Variants in USP10 observed in about 807,000 individuals in gnomAD.
USP10 encodes ubiquitin specific peptidase 10, also known as ubiquitin carboxyl-terminal hydrolase 10.
USP10 carries 22 observed loss-of-function variants against 84.5 expected under a neutral mutation model. The ratio of observed to expected loss-of-function variants is 0.26; its 90% confidence interval spans 0.19 to 0.37. The LOEUF (loss-of-function observed/expected upper bound fraction) is 0.37. Among genes scored for constraint, USP10 ranks in the 10% least tolerant of loss-of-function variants. The pLI, the probability that USP10 is intolerant of heterozygous loss-of-function variation, is 1.00. For synonymous variants in USP10, 454 were observed against 387.6 expected (o/e 1.17, Z -2.01); for missense variants, 1,019 against 998.9 (o/e 1.02, Z -0.27).
chr16:84,764,202 G>C lies in USP10; in HGVS notation c.1771G>C (p.Val591Leu). 2 of 1,614,000 alleles carry C rather than the reference G, an allele frequency of 1.2e-6. No individual in the cohort carries two copies. The highest frequency in any genetic ancestry group is 1.7e-5 in the Admixed American group (1 of 60,024). ...EQVGPRNKTS[V>L]TRQADFVQTP... ...AGTGGGCCCCCGGAACAAGACTTCCGTCACCCGCCAGGCGGATTTTGTTCA... is the reference window on the plus strand; with the variant it reads ...AGTGGGCCCCCGGAACAAGACTTCCCTCACCCGCCAGGCGGATTTTGTTCA... Residue 591 changes from valine to leucine, a missense_variant, in exon 10 of 14, where the codon GTC becomes CTC. Physicochemically the swap from Val to Leu is conservative, Grantham distance 32 (BLOSUM62 1). Transcript: ENST00000219473.
intron 1 of USP10, among the ~76,000 whole-genome samples, chr16:84,705,511 G>C (rs886738026): frequency 6.6e-6 from 1 of 150,638 alleles, no homozygotes; most frequent in Non-Finnish European, 1.5e-5. Context: ...GATTATAGGC[G>C]TGAGCCACCA....
chr16:84,740,665 A>G (rs1358569843), intron 3 of USP10, among the ~76,000 whole-genome samples: 2 of 152,372 alleles, frequency 1.3e-5, no homozygotes, highest in South Asian at 2.1e-4. Flanking sequence ...TCATCAGCAC[A>G]TGCTGGAGTT....
At chr16:84,700,632 C>T (rs1904738849) in intron 1 of USP10, among the ~76,000 whole-genome samples, 1 of 152,132 alleles carries the variant, frequency 6.6e-6, no homozygotes. Flanking sequence ...TGCCGATTTT[C>T]TGTTTTTTAG....
intron 1 of USP10, among the ~76,000 whole-genome samples, chr16:84,712,128 C>G (rs765913667): frequency 5.3e-5 from 8 of 152,176 alleles, no homozygotes; most frequent in Non-Finnish European, 8.8e-5. Context: ...CAGTTGATCT[C>G]TTTTCTGTGA....
chr16:84,721,807 C>T (rs1048603406), intron 1 of USP10, among the ~76,000 whole-genome samples: 2 of 152,258 alleles, frequency 1.3e-5, no homozygotes, highest in Non-Finnish European at 2.9e-5. Context: ...AAGCAATTCT[C>T]CTGCCTCAGC....
chr16:84,731,146 A>T (rs1185299209), intron 1 of USP10, among the ~76,000 whole-genome samples: 9 of 151,588 alleles, frequency 5.9e-5, no homozygotes, highest in Non-Finnish European at 1.0e-4. Flanking sequence ...TGCCCGGCTA[A>T]TTTTTTGTAT....
intron 4 of USP10, among the ~76,000 whole-genome samples, chr16:84,752,100 G>C: frequency 6.6e-6 from 1 of 152,134 alleles, no homozygotes; most frequent in Non-Finnish European, 1.5e-5. Context: ...TGAAATTTCA[G>C]TTCAGCCTTT....
chr16:84,739,841 C>G (rs184924742), intron 2 of USP10, among the ~76,000 whole-genome samples: 5 of 152,322 alleles, frequency 3.3e-5, no homozygotes, highest in Admixed American at 1.3e-4. Flanking sequence ...GCGCTTTCCT[C>G]TGCTCTCCGA....
chr16:84,751,230 G>C (rs768250953), intron 4 of USP10, among the ~76,000 whole-genome samples: 13 of 152,188 alleles, frequency 8.5e-5, no homozygotes, highest in African/African-American at 1.4e-4. Context: ...TGTGTAGTTG[G>C]CTATACCATC....
chr16:84,700,243 C>A (rs1378930979), intron 1 of USP10, 132 bp downstream of exon 1: 2 of 755,368 alleles, frequency 2.6e-6, no homozygotes, highest in East Asian at 6.4e-5. Flanking sequence ...GACACGCTGC[C>A]CGGGCCTAGG....
intron 8 of USP10, among the ~76,000 whole-genome samples, chr16:84,760,501 TG>T (rs1259326133): frequency 6.6e-6 from 1 of 152,182 alleles, no homozygotes; most frequent in Non-Finnish European, 1.5e-5. Flanking sequence ...ATGGTCTCCT[TG>T]TTACGGTTAA....
At chr16:84,753,187 C>G (rs1208877678) in intron 4 of USP10, among the ~76,000 whole-genome samples, 3 of 151,994 alleles carry the variant, frequency 2.0e-5, no homozygotes, top group Non-Finnish European at 4.4e-5. Flanking sequence ...CACTGTGTGG[C>G]CCAGGCTGAT....
intron 1 of USP10, among the ~76,000 whole-genome samples, chr16:84,730,232 T>G (rs1909032728): frequency 6.6e-6 from 1 of 152,230 alleles, no homozygotes; most frequent in Non-Finnish European, 1.5e-5. Context: ...ATCTATATTA[T>G]TAACAAACAC....
intron 3 of USP10, among the ~76,000 whole-genome samples, chr16:84,744,386 A>G (rs926016858): frequency 2.6e-5 from 4 of 152,170 alleles, no homozygotes; most frequent in African/African-American, 9.7e-5. Context: ...TTTAATTTCT[A>G]CCTTCTGAAA....
At chr16:84,724,458 A>C (rs138650995) in intron 1 of USP10, among the ~76,000 whole-genome samples, 1 of 152,148 alleles carries the variant, frequency 6.6e-6, no homozygotes, top group African/African-American at 2.4e-5. Flanking sequence ...GGAAGTAGAC[A>C]CTCAATTGCA....
chr16:84,737,337 TG>T (rs1441889249), intron 2 of USP10, among the ~76,000 whole-genome samples: 1 of 152,256 alleles, frequency 6.6e-6, no homozygotes. Flanking sequence ...TTTATGTCTT[TG>T]CTTTGATTTT....
chr16:84,751,193 G>A (rs1015611781), intron 4 of USP10, among the ~76,000 whole-genome samples: 9 of 152,206 alleles, frequency 5.9e-5, no homozygotes, highest in South Asian at 2.1e-4. Flanking sequence ...TAGCTTAGGA[G>A]CAATAGGCTC....
At chr16:84,757,571 A>AT (rs1912733552) in intron 4 of USP10, among the ~76,000 whole-genome samples, 2 of 152,174 alleles carry the variant, frequency 1.3e-5, no homozygotes, top group Non-Finnish European at 1.5e-5. Context: ...CTACTATCAA[A>AT]TGTATGTATG....
intron 8 of USP10, among the ~76,000 whole-genome samples, chr16:84,761,307 T>C (rs564476132): frequency 2.9e-4 from 44 of 152,172 alleles, no homozygotes; most frequent in Admixed American, 6.5e-5. Context: ...ACAGAGATAA[T>C]GCTATGAACA....
Sources: allele counts gnomAD v4.1 joint callset (sites outside exome capture counted in the v4.1 genomes callset), GRCh38; gene constraint gnomAD v4.1.1; transcripts MANE v1.5; gene names NCBI Gene and HGNC (gene_info 2026-07-23, HGNC 2026-07-21).